ZFAT: variants seen among roughly 807,000 people sequenced by gnomAD.
The protein encoded by ZFAT is zinc finger and AT-hook domain containing.
ZFAT carries 64 observed loss-of-function variants against 117.7 expected under a neutral mutation model. That is an observed-to-expected ratio of 0.54 (90% CI 0.44 to 0.67). The LOEUF is 0.67. Ranked by LOEUF, ZFAT falls within the 30% of genes least tolerant of loss-of-function variation. The pLI, the probability that ZFAT is intolerant of heterozygous loss-of-function variation, is 0.00. For synonymous variants in ZFAT, 679 were observed against 615.0 expected (o/e 1.10, Z -1.54); for missense variants, 1,433 against 1,584.5 (o/e 0.90, Z 1.62).
chr8:134,588,287 T>C lies in ZFAT; in HGVS notation c.2672A>G (p.Lys891Arg), dbSNP rs1312718320. 6.3e-7 allele frequency: 1 copy of C among 1,576,488 alleles called. No individual in the cohort carries two copies. The highest frequency in any genetic ancestry group is 8.6e-7 in the Non-Finnish European group (1 of 1,159,338). The change falls in exon 9 of 16, where the codon AAG becomes AGG. Residue 891 changes from lysine to arginine, a missense_variant. Transcript: ENST00000377838. ...ATGACGCTGAAGGTCTGAGCCATTC[T>C]TCATGAAATAAAAGTCACAATATGG... is the stretch of plus-strand genomic sequence containing the variant. The part of the protein sequence containing the change: ...KCPYCDFYFM[K>R]NGSDLQRHIW...
In ZFAT at chr8:134,583,726, C is replaced by A. The variant is rs1586752844; in HGVS notation, c.2887+106G>T. 5.1e-6 allele frequency: 7 copies of A among 1,375,098 alleles called. No homozygotes were observed. In the East Asian group the frequency reaches 1.5e-4, roughly 29 times the overall value. The allele number at this position is 1,375,098 out of a possible 1,614,324, so 85.2% of individuals were successfully genotyped here. A position where few individuals can be genotyped will look rare whatever the true frequency, so the allele number is the denominator to read the frequency against. ...TCTTCCAGAAGCTCCTTCTAACGGG[C>A]AAGTGCTCTTTCCTGCCTCTGGTAC... is the stretch of plus-strand genomic sequence containing the variant. On this transcript the variant is annotated intron_variant, in intron 10 of 15. Coordinates refer to ENST00000377838, the MANE Select transcript of ZFAT (RefSeq NM_020863.4).
Position 134,478,820 on chromosome 8 carries a change from GC to G in ZFAT, c.3493-100del. On this transcript the variant is annotated intron_variant, in intron 15 of 15. Coordinates refer to ENST00000377838, the MANE Select transcript of ZFAT (RefSeq NM_020863.4). This position sits in a 1 kb window ranked among gnomAD's most constrained non-coding sequence, Gnocchi z 5.2. Reference sequence around the variant, plus strand: ...ACAGTTTAGGAGGCACCAGTGCGCTGCGGGAGCACGTCCATTCTCCACGGAT... The same window carrying G: ...ACAGTTTAGGAGGCACCAGTGCGCTGGGGAGCACGTCCATTCTCCACGGAT... 6.8e-7 allele frequency: 1 copy of G among 1,463,064 alleles called. No individual in the cohort carries two copies. The highest frequency in any genetic ancestry group is 1.3e-5 in the South Asian group (1 of 74,588). The allele number at this position is 1,463,064 out of a possible 1,614,324, so 90.6% of individuals were successfully genotyped here. A position where few individuals can be genotyped will look rare whatever the true frequency, so the allele number is the denominator to read the frequency against.
chr8:134,676,286 G>T (rs1832798916), intron 1 of ZFAT, among the ~76,000 whole-genome samples: 1 of 150,422 alleles, frequency 6.6e-6, no homozygotes, highest in Non-Finnish European at 1.5e-5. Context: ...AAATCCCAGG[G>T]GTTGCAATCC....
intron 1 of ZFAT, among the ~76,000 whole-genome samples, chr8:134,691,388 G>T (rs1267144482): frequency 6.6e-6 from 1 of 152,262 alleles, no homozygotes; most frequent in Non-Finnish European, 1.5e-5. Flanking sequence ...CGCTGCAGCG[G>T]GCGCCTCCAC....
chr8:134,826,446 G>A, the ZFAT span, among the ~76,000 whole-genome samples: 1 of 152,084 alleles, frequency 6.6e-6, no homozygotes, highest in African/African-American at 2.4e-5. Context: ...ATCCTCACAT[G>A]TAAAATAAAA....
At chr8:134,610,750 A>T in intron 3 of ZFAT, 95 bp from the exon 4 acceptor site, 1 of 1,449,658 alleles carries the variant, frequency 6.9e-7, no homozygotes, top group East Asian at 2.3e-5. Flanking sequence ...AGTAAAGGAA[A>T]CACAGCTCTT....
intron 15 of ZFAT, among the ~76,000 whole-genome samples, chr8:134,479,996 C>T (rs1156461666): frequency 6.7e-6 from 1 of 148,658 alleles, no homozygotes; most frequent in African/African-American, 2.5e-5. Flanking sequence ...CTCTGTTGCC[C>T]AAGCTGGAGT....
chr8:134,572,278 G>T (rs1047068265), intron 10 of ZFAT, among the ~76,000 whole-genome samples: 1 of 152,188 alleles, frequency 6.6e-6, no homozygotes, highest in African/African-American at 2.4e-5. Flanking sequence ...TATTTGTTAG[G>T]TGATAGAATT....
intron 15 of ZFAT, among the ~76,000 whole-genome samples, chr8:134,501,539 C>T (rs1295001155): frequency 8.5e-5 from 13 of 152,068 alleles, no homozygotes; most frequent in East Asian, 3.8e-4. Flanking sequence ...AAAACCGTTA[C>T]GGGAAAGTGG....
At chr8:134,539,632 G>GT (rs1173909219) in intron 11 of ZFAT, among the ~76,000 whole-genome samples, 1 of 152,202 alleles carries the variant, frequency 6.6e-6, no homozygotes. Flanking sequence ...CACCCGTCTG[G>GT]TATCAGAAAA....
the ZFAT span, among the ~76,000 whole-genome samples, chr8:134,744,394 C>T: frequency 2.0e-5 from 3 of 149,956 alleles, no homozygotes; most frequent in Non-Finnish European, 4.4e-5. Flanking sequence ...CTTGCAGGTT[C>T]AAGCAATTCT....
At chr8:134,785,999 T>C in the ZFAT span, 3 of 152,194 alleles carry the variant, frequency 2.0e-5, no homozygotes, top group Non-Finnish European at 4.4e-5. Context: ...ATTGGATGTA[T>C]TATTAGGTCC....
At chr8:134,772,563 C>A in the ZFAT span, among the ~76,000 whole-genome samples, 1 of 152,122 alleles carries the variant, frequency 6.6e-6, no homozygotes, top group Non-Finnish European at 1.5e-5. Flanking sequence ...TTAATGAGGG[C>A]TTAAAAAAAG....
intron 9 of ZFAT, among the ~76,000 whole-genome samples, chr8:134,585,868 A>T (rs1382459952): frequency 1.3e-5 from 2 of 152,230 alleles, no homozygotes; most frequent in African/African-American, 4.8e-5. Context: ...CCTTGAACAA[A>T]GTTGCAGGTC....
At chr8:134,619,691 A>G (rs913977509) in intron 3 of ZFAT, among the ~76,000 whole-genome samples, 6 of 152,210 alleles carry the variant, frequency 3.9e-5, no homozygotes, top group Admixed American at 3.9e-4. Context: ...TGGGAAAGTC[A>G]TCCAGTCATT....
At chr8:134,698,033 C>A (rs1360065538) in intron 1 of ZFAT, among the ~76,000 whole-genome samples, 2 of 151,130 alleles carry the variant, frequency 1.3e-5, no homozygotes, top group South Asian at 4.2e-4. Context: ...GAAGGAGGAC[C>A]CAACTGGGGC....
At position 134,601,899 on chromosome 8, in the gene ZFAT, T is replaced by C. The variant is rs1237628495; in HGVS notation, c.1820A>G (p.Glu607Gly). ...FLLKNDTSSAEAHAAPEKPPD... is the reference protein window; with the variant it reads ...FLLKNDTSSAGAHAAPEKPPD... Reference sequence around the variant, plus strand: ...GGGCTTCTCAGGAGCAGCATGAGCCTCTGCGGAGGAGGTATCATTTTTCAA... The same window carrying C: ...GGGCTTCTCAGGAGCAGCATGAGCCCCTGCGGAGGAGGTATCATTTTTCAA... Residue 607 changes from glutamate to glycine, a missense_variant, in exon 6 of 16, where the codon GAG (glutamate) becomes GGG (glycine). Coordinates refer to ENST00000377838, the MANE Select transcript of ZFAT (RefSeq NM_020863.4). 1 of 1,613,886 alleles carries C rather than the reference T, an allele frequency of 6.2e-7. No homozygotes were observed. Among genetic ancestry groups the C allele is most frequent in the South Asian group, 1.1e-5 (1 of 90,990 alleles).
chr8:134,532,942 A>C lies in ZFAT; in HGVS notation c.3007T>G (p.Cys1003Gly). The change falls in exon 12 of 16, where the codon TGC becomes GGC. Residue 1003 changes from cysteine to glycine, a missense_variant. This residue lies in a region of ZFAT where 503 missense variants were observed against 543.4 expected (regional missense o/e 0.93). Transcript: ENST00000377838. ...CGCTTCAGAGAGCCAGATATGTTGC[A>C]GGAGTAATGGCAATGGGCACAGCGG... ...PFRCAHCHYSCNISGSLKRHY... is the reference protein window; with the variant it reads ...PFRCAHCHYSGNISGSLKRHY... The C allele has an allele frequency of 6.2e-7, 1 of 1,608,066 alleles. No homozygotes were observed. The highest frequency in any genetic ancestry group is 8.5e-7 in the Non-Finnish European group (1 of 1,177,250).
intron 15 of ZFAT, among the ~76,000 whole-genome samples, chr8:134,509,214 A>G (rs1253802850): frequency 2.0e-5 from 3 of 152,192 alleles, no homozygotes; most frequent in African/African-American, 7.2e-5. Context: ...AGGCCAGTCC[A>G]CTGGGAAATC....
Sources: gnomAD v4.1 joint callset for allele counts (sites outside exome capture counted in the v4.1 genomes callset) on GRCh38, gnomAD v4.1.1 for gene constraint, gnomAD v4.1.1 regional missense constraint, Gnocchi (gnomAD v3.1) non-coding constraint, MANE v1.5 for transcripts, NCBI Gene and HGNC (gene_info 2026-07-23, HGNC 2026-07-21) for gene names.